The following ARHGAP32 variants were observed in gnomAD, a reference collection of about 807,000 sequenced individuals.
ARHGAP32 encodes the protein Rho GTPase activating protein 32.
ARHGAP32 carries 51 observed loss-of-function variants against 186.5 expected under a neutral mutation model. The ratio of observed to expected loss-of-function variants is 0.27; its 90% confidence interval spans 0.22 to 0.35. The LOEUF (loss-of-function observed/expected upper bound fraction) is 0.35. Ranked by LOEUF, ARHGAP32 falls within the 10% of genes least tolerant of loss-of-function variation. ARHGAP32 has a pLI of 1.00. For synonymous variants in ARHGAP32, 950 were observed against 964.3 expected, an observed-to-expected ratio of 0.99 and a Z score of 0.27; for missense variants, 2,186 against 2,623.5, an observed-to-expected ratio of 0.83 and a Z score of 3.64.
intron 10 of ARHGAP32, among the ~76,000 whole-genome samples, chr11:129,051,655 T>C (rs553038308): frequency 3.3e-5 from 5 of 152,274 alleles, no homozygotes; most frequent in African/African-American, 1.2e-4. Context: ...GTTTATACTT[T>C]ATAAACATTT....
rs748710153 is a variant in ARHGAP32, at chr11:129,220,633, C to T, written c.-4-56206G>A. Among the ~76,000 whole-genome samples, 70 of 152,212 alleles carry T rather than the reference C, an allele frequency of 4.6e-4. 1 individual carries two copies. The Middle Eastern group carries it at 0.01, about 22-fold the overall frequency. ...TTGGTTTGATGCAGTGGATTGTGAA[C>T]CATCTGCATCACAATGACCTGCAAA... On this transcript the variant is annotated intron_variant, in intron 1 of 6. Transcript: ENST00000525234.
intron 2 of ARHGAP32, among the ~76,000 whole-genome samples, chr11:129,157,396 G>A (rs1943432464): frequency 6.6e-6 from 1 of 151,940 alleles, no homozygotes; most frequent in Non-Finnish European, 1.5e-5. Context: ...TTACTTGATG[G>A]AGCCGAGAAA....
intron 6 of ARHGAP32, among the ~76,000 whole-genome samples, chr11:129,093,195 A>G (rs2135270127): frequency 6.6e-6 from 1 of 152,212 alleles, no homozygotes; most frequent in East Asian, 1.9e-4. Flanking sequence ...TATGTGATCA[A>G]TAGCTGAATC....
chr11:129,193,592 ATG>A (rs1407426714), upstream of ARHGAP32, among the ~76,000 whole-genome samples: 2 of 51,930 alleles, frequency 3.9e-5, no homozygotes, highest in Non-Finnish European at 7.2e-5. Flanking sequence ...TATATAATAT[ATG>A]TTATATATAA....
At chr11:129,279,491 C>T (rs1028071301), upstream of ARHGAP32, among the ~76,000 whole-genome samples, 2 of 144,874 alleles carry the variant, frequency 1.4e-5, no homozygotes, top group African/African-American at 2.5e-5. Flanking sequence ...AGCCTCTCAC[C>T]CTGACGCCTT....
At chr11:129,164,477 A>C (rs1241568146) in intron 1 of ARHGAP32, 50 bp from the exon 2 acceptor site, 7 of 1,084,628 alleles carry the variant, frequency 6.5e-6, no homozygotes, top group Admixed American at 2.6e-5. Context: ...AATTCTATGA[A>C]AGCCTTCCAA....
Position 129,156,312 on chromosome 11 carries a change from C to T in ARHGAP32, c.225+8007G>A, listed in dbSNP as rs1039222284. Among the ~76,000 whole-genome samples, 5 of 152,230 alleles carry T rather than the reference C, an allele frequency of 3.3e-5. No individual in the cohort carries two copies. The South Asian group carries it at 1.0e-3, about 32-fold the overall frequency. Reference sequence around the variant, plus strand: ...GGTCTAGCTCAGCCAATCCCACCCCCAAGGAGCCCAGCAAGCTAAGATCCA... The same window carrying T: ...GGTCTAGCTCAGCCAATCCCACCCCTAAGGAGCCCAGCAAGCTAAGATCCA... On this transcript the variant is annotated intron_variant, in intron 2 of 22. Coordinates refer to ENST00000682385, the MANE Select transcript of ARHGAP32 (RefSeq NM_001378024.1).
At chr11:129,233,849 C>T (rs1944890312) in intron 1 of ARHGAP32, among the ~76,000 whole-genome samples, 1 of 151,768 alleles carries the variant, frequency 6.6e-6, no homozygotes, top group South Asian at 2.1e-4. Flanking sequence ...CAGTCTAATA[C>T]TATGCAATAT....
At chr11:129,262,514 G>C (rs1040224947) in intron 1 of ARHGAP32, among the ~76,000 whole-genome samples, 4 of 151,964 alleles carry the variant, frequency 2.6e-5, no homozygotes, top group Non-Finnish European at 4.4e-5. Context: ...CTCCCTAGTA[G>C]CTGGGATTAC....
intron 1 of ARHGAP32, among the ~76,000 whole-genome samples, chr11:129,170,436 T>G (rs1449992669): frequency 6.6e-6 from 1 of 151,988 alleles, no homozygotes; most frequent in Non-Finnish European, 1.5e-5. Context: ...CAGTGTTTGG[T>G]TTTCTGTTCC....
At chr11:129,256,188 C>T (rs1488150356) in intron 1 of ARHGAP32, among the ~76,000 whole-genome samples, 1 of 152,106 alleles carries the variant, frequency 6.6e-6, no homozygotes, top group Non-Finnish European at 1.5e-5. Context: ...AATCAAGCTT[C>T]ACTTCTTGAT....
intron 5 of ARHGAP32, among the ~76,000 whole-genome samples, chr11:129,107,203 C>T (rs531952373): frequency 6.6e-6 from 1 of 152,256 alleles, no homozygotes; most frequent in East Asian, 1.9e-4. Context: ...AATCCTATAT[C>T]CAGCAAAACT....
chr11:129,161,431 A>C (rs1447355059), intron 2 of ARHGAP32, among the ~76,000 whole-genome samples: 1 of 152,110 alleles, frequency 6.6e-6, no homozygotes, highest in Non-Finnish European at 1.5e-5. Context: ...AATATCCAGA[A>C]TCTACAAGGA....
intron 1 of ARHGAP32, among the ~76,000 whole-genome samples, chr11:129,241,790 T>C (rs1945021077): frequency 6.6e-6 from 1 of 152,150 alleles, no homozygotes; most frequent in South Asian, 2.1e-4. Flanking sequence ...AAAATCCCAA[T>C]GACATACTAA....
At chr11:129,193,474 C>T (rs377059605), upstream of ARHGAP32, among the ~76,000 whole-genome samples, 2 of 80,964 alleles carry the variant, frequency 2.5e-5, no homozygotes. Flanking sequence ...ACAGCAAGAC[C>T]CTGTCTCAAA....
At chr11:128,988,221 TA>T in intron 12 of ARHGAP32, 96 bp from the exon 13 acceptor site, 1 of 889,008 alleles carries the variant, frequency 1.1e-6, no homozygotes, top group Non-Finnish European at 1.7e-6. Flanking sequence ...AAAAGTAAAA[TA>T]AAATTTGTAA....
At chr11:129,192,787 C>G (rs74851677), upstream of ARHGAP32, among the ~76,000 whole-genome samples, 1 of 152,166 alleles carries the variant, frequency 6.6e-6, no homozygotes, top group African/African-American at 2.4e-5. Flanking sequence ...CCATATGCAT[C>G]TCTGCTCAAG....
At chr11:129,042,215 A>C (rs1286527867) in intron 10 of ARHGAP32, among the ~76,000 whole-genome samples, 2 of 152,132 alleles carry the variant, frequency 1.3e-5, no homozygotes, top group African/African-American at 4.8e-5. Flanking sequence ...CAGTGGCACA[A>C]TCTAGGCTCA....
At chr11:129,004,683 C>T (rs1937668701) in intron 11 of ARHGAP32, among the ~76,000 whole-genome samples, 1 of 151,992 alleles carries the variant, frequency 6.6e-6, no homozygotes, top group Admixed American at 6.5e-5. Context: ...GTAAGTATAG[C>T]TACTCCTGCT....
Sources: allele counts gnomAD v4.1 joint callset (sites outside exome capture counted in the v4.1 genomes callset), GRCh38; gene constraint gnomAD v4.1.1; transcripts MANE v1.5; gene names NCBI Gene and HGNC (gene_info 2026-07-23, HGNC 2026-07-21).